Variants in SRCIN1 observed in about 807,000 individuals in gnomAD.
SRCIN1 encodes SRC kinase signaling inhibitor 1, also known as P130Cas-associated protein.
In SRCIN1, 50 loss-of-function variants were observed where a neutral mutation model predicts 116.2. That is an observed-to-expected ratio of 0.43 (90% CI 0.34 to 0.54). The LOEUF is 0.54. Ranked by LOEUF, SRCIN1 falls within the 20% of genes least tolerant of loss-of-function variation. The pLI is 0.02. For synonymous variants in SRCIN1, 736 were observed against 750.0 expected, an observed-to-expected ratio of 0.98 and a Z score of 0.30; for missense variants, 1,446 against 1,672.0, an observed-to-expected ratio of 0.86 and a Z score of 2.36.
intron 18 of SRCIN1, chr17:38,542,867 C>T: frequency 3.0e-6 from 1 of 338,822 alleles, no homozygotes; most frequent in East Asian, 7.6e-5. Flanking sequence ...AGTCTAGAAC[C>T]TTCTCTAACG....
chr17:38,595,384 AT>A (rs1358668590), intron 1 of SRCIN1, among the ~76,000 whole-genome samples: 5 of 152,102 alleles, frequency 3.3e-5, no homozygotes, highest in Admixed American at 3.3e-4. Context: ...CACCCAGCTA[AT>A]TTTTGTATTT....
rs1303500956 is a variant in SRCIN1 at position 38,563,753 on chromosome 17, T to C, written c.542-232A>G. 1.4e-6 allele frequency: 1 copy of C among 693,540 alleles called. No individual in the cohort carries two copies. The highest frequency in any genetic ancestry group is 1.6e-5 in the South Asian group (1 of 63,844). The allele number at this position is 693,540 out of a possible 1,614,324, so 43.0% of individuals were successfully genotyped here. A position where few individuals can be genotyped will look rare whatever the true frequency, so the allele number is the denominator to read the frequency against. On this transcript the variant is annotated intron_variant, in intron 4 of 18. Coordinates refer to ENST00000617146, the MANE Select transcript of SRCIN1 (RefSeq NM_025248.3). This position sits in a 1 kb window ranked among gnomAD's most constrained non-coding sequence, Gnocchi z 5.8. ...CTGGACTCCAGGCAGTTGAAGGAAC[T>C]TGGACAAGGAAATGGAAGTGGGGGC... is the stretch of plus-strand genomic sequence containing the variant.
At chr17:38,569,525 G>T (rs1040679987) in intron 2 of SRCIN1, among the ~76,000 whole-genome samples, 1 of 152,178 alleles carries the variant, frequency 6.6e-6, no homozygotes, top group Non-Finnish European at 1.5e-5. Flanking sequence ...GGGGCACTCC[G>T]GCTGGAGGCT....
intron 1 of SRCIN1, among the ~76,000 whole-genome samples, chr17:38,584,408 G>C (rs1183072038): frequency 6.6e-6 from 1 of 152,218 alleles, no homozygotes; most frequent in Admixed American, 6.5e-5. Flanking sequence ...TCCAGAATCC[G>C]AATGAGGGGA....
intron 2 of SRCIN1, among the ~76,000 whole-genome samples, chr17:38,571,819 A>G (rs1437960591): frequency 6.6e-6 from 1 of 152,178 alleles, no homozygotes; most frequent in African/African-American, 2.4e-5. Context: ...AAGCCAGGCC[A>G]GGGAGTCCTC....
At chr17:38,595,104 C>T (rs1908652738) in intron 1 of SRCIN1, among the ~76,000 whole-genome samples, 1 of 152,190 alleles carries the variant, frequency 6.6e-6, no homozygotes. Flanking sequence ...AACTCTTCAA[C>T]CTCTACTTGC....
intron 1 of SRCIN1, among the ~76,000 whole-genome samples, chr17:38,598,414 G>A (rs564044013): frequency 6.6e-6 from 1 of 152,138 alleles, no homozygotes; most frequent in East Asian, 1.9e-4. Context: ...TCCTAGGGGT[G>A]AGGGGAGACT....
rs773042353 is a variant in SRCIN1, at chr17:38,560,365, G to C, written c.1761C>G (p.Ala587=). The C allele has an allele frequency of 1.6e-5, 26 of 1,611,726 alleles. No individual in the cohort carries two copies. Among genetic ancestry groups the C allele is most frequent in the Non-Finnish European group, 5.1e-6 (6 of 1,179,080 alleles). The change falls in exon 8 of 19, where the codon GCC becomes GCG. Residue 587 remains alanine, a synonymous_variant. Transcript: ENST00000617146. The stretch of plus-strand genomic sequence containing the variant: ...TCTCAGGCTCAGAGCCTCGCAGTAA[G>C]GCGCTCTGCACCAGGCCTGTGAGGC... ...IASLTGLVQS[A]LLRGSEPETP...
intron 18 of SRCIN1, among the ~76,000 whole-genome samples, chr17:38,535,357 C>A (rs550170789): frequency 6.6e-6 from 1 of 152,032 alleles, no homozygotes; most frequent in East Asian, 1.9e-4. Context: ...TACAGGCATG[C>A]GCCACCACGC....
chr17:38,550,723 T>C (rs903419436), intron 15 of SRCIN1, among the ~76,000 whole-genome samples: 1 of 152,110 alleles, frequency 6.6e-6, no homozygotes, highest in African/African-American at 2.4e-5. Flanking sequence ...ATGAATAAAA[T>C]GAAGGAATGA....
In SRCIN1 at chr17:38,561,472, G is replaced by A; in HGVS notation, c.1691C>T (p.Thr564Met). The A allele has an allele frequency of 1.3e-6, 2 of 1,586,280 alleles. No homozygotes were observed. The highest frequency in any genetic ancestry group is 1.1e-5 in the South Asian group (1 of 89,574). ...GGTTAACGTCCCTCACCTGGTCTCCGTGTCCTTGGCTGGCACTGGCGGCCC... is the reference window on the plus strand; with the variant it reads ...GGTTAACGTCCCTCACCTGGTCTCCATGTCCTTGGCTGGCACTGGCGGCCC... ...GFGPPVPAKDTETRERMEAME... is the reference protein window; with the variant it reads ...GFGPPVPAKDMETRERMEAME... The change falls in exon 7 of 19, where the codon ACG becomes ATG. Residue 564 changes from threonine (T) to methionine (M), a missense_variant. Physicochemically the swap from Thr to Met is moderately conservative, Grantham distance 81 (BLOSUM62 -1). Around this residue, in one of 5 missense-constraint regions of SRCIN1, gnomAD observed 398 missense variants for 385.6 expected, o/e 1.03. Transcript: ENST00000617146.
At chr17:38,573,699 C>A (rs1907236982) in intron 2 of SRCIN1, among the ~76,000 whole-genome samples, 1 of 152,214 alleles carries the variant, frequency 6.6e-6, no homozygotes, top group African/African-American at 2.4e-5. Flanking sequence ...GCAGACAAGG[C>A]ACCACAACCC....
chr17:38,583,709 T>A (rs139031457), intron 1 of SRCIN1, among the ~76,000 whole-genome samples: 4,035 of 152,116 alleles, frequency 0.027, 181 homozygotes, highest in African/African-American at 0.091. Flanking sequence ...CCCACAACCA[T>A]GCCCAGCTAA....
intron 1 of SRCIN1, among the ~76,000 whole-genome samples, chr17:38,583,548 G>GTTTTTTT (rs10691272): frequency 4.3e-4 from 45 of 104,246 alleles, no homozygotes; most frequent in African/African-American, 1.2e-3. Context: ...TTCATTTTCT[G>GTTTTTTT]TTTTTTTTTT....
At position 38,544,355 on chromosome 17, in the gene SRCIN1, G is replaced by A. The variant is rs575415468; in HGVS notation, c.3271-386C>T. ...GACCTGGGTGCACATGCCAGCAAGG[G>A]GCTCTCTATAATGGCACACAGAGCA... On this transcript the variant is annotated intron_variant, in intron 17 of 18. Coordinates refer to ENST00000617146, the MANE Select transcript of SRCIN1 (RefSeq NM_025248.3). The surrounding 1 kb of genome is among the most constrained non-coding windows in gnomAD (Gnocchi z 4.5). 6.6e-6 allele frequency among the ~76,000 whole-genome samples: 1 copy of A among 152,198 alleles called. No individual in the cohort carries two copies. Among genetic ancestry groups the A allele is most frequent in the East Asian group, 1.9e-4 (1 of 5,148 alleles).
Position 38,562,843 on chromosome 17 carries a change from G to T in SRCIN1, c.818C>A (p.Thr273Asn). The change falls in exon 6 of 19, where the codon ACC becomes AAC. Residue 273 changes from threonine (T) to asparagine (N), a missense_variant. Transcript: ENST00000617146. This position sits in a 1 kb window ranked among gnomAD's most constrained non-coding sequence, Gnocchi z 4.2. Reference sequence around the variant, plus strand: ...CAGCCATACCCGGAGGTCCCCGTTGGTGAGATGTGAGCCAGGGAAGGCAGC... The same window carrying T: ...CAGCCATACCCGGAGGTCCCCGTTGTTGAGATGTGAGCCAGGGAAGGCAGC... ...LYAAFPGSHL[T>N]NGDLRREMVY... 6.2e-7 allele frequency: 1 copy of T among 1,613,806 alleles called. No individual in the cohort carries two copies. Among genetic ancestry groups the T allele is most frequent in the South Asian group, 1.1e-5 (1 of 91,060 alleles).
In SRCIN1 at chr17:38,585,539, C is replaced by T. The variant is rs924324610; in HGVS notation, c.23-6748G>A. The stretch of plus-strand genomic sequence containing the variant: ...ATTAGGAGAGGGGATCCTTTGCTTC[C>T]CCTGCTAGTGAAGGAATCGGCCTCC... On this transcript the variant is annotated intron_variant, in intron 1 of 18. Transcript: ENST00000617146. The surrounding 1 kb of genome is among the most constrained non-coding windows in gnomAD (Gnocchi z 4.2). Among the ~76,000 whole-genome samples the T allele has an allele frequency of 6.6e-6, 1 of 152,160 alleles. No homozygotes were observed. The highest frequency in any genetic ancestry group is 1.5e-5 in the Non-Finnish European group (1 of 68,032).
At chr17:38,559,947 AC>A in intron 9 of SRCIN1, 106 bp downstream of exon 9, 1 of 1,352,606 alleles carries the variant, frequency 7.4e-7, no homozygotes, top group East Asian at 2.5e-5. Flanking sequence ...CAGGAAAAAG[AC>A]CTCTTGGGCT....
chr17:38,563,204 G>T lies in SRCIN1; in HGVS notation c.740+119C>A. 1 of 1,163,378 alleles carries T rather than the reference G, an allele frequency of 8.6e-7. No homozygotes were observed. Among genetic ancestry groups the T allele is most frequent in the Non-Finnish European group, 1.2e-6 (1 of 824,514 alleles). 72.1% of individuals were successfully genotyped at this position (1,163,378 alleles called of 1,614,324 possible). A position where few individuals can be genotyped will look rare whatever the true frequency, so the allele number is the denominator to read the frequency against. ...GGGCGGGGCGGTAGGGCTCTGGGAG[G>T]GGAGGGGAAAGGCTGAGGTCGGGTC... On this transcript the variant is annotated intron_variant, in intron 5 of 18. Transcript: ENST00000617146. The surrounding 1 kb of genome is among the most constrained non-coding windows in gnomAD (Gnocchi z 5.8).
Sources: gnomAD v4.1 joint callset for allele counts (sites outside exome capture counted in the v4.1 genomes callset) on GRCh38, gnomAD v4.1.1 for gene constraint, gnomAD v4.1.1 regional missense constraint, Gnocchi (gnomAD v3.1) non-coding constraint, MANE v1.5 for transcripts, NCBI Gene and HGNC (gene_info 2026-07-23, HGNC 2026-07-21) for gene names.